NT5DC3: variants seen among roughly 807,000 people sequenced by gnomAD.
The protein encoded by NT5DC3 is 5'-nucleotidase domain containing 3.
In NT5DC3, 42 loss-of-function variants were observed where a neutral mutation model predicts 67.8. The observed-to-expected ratio is 0.62, with a 90% CI of 0.48 to 0.80. NT5DC3 has a LOEUF of 0.80. NT5DC3 is among the 30% of genes least tolerant of loss of function. NT5DC3 has a pLI of 0.00. For synonymous variants in NT5DC3, 237 were observed against 255.6 expected (o/e 0.93, Z 0.69); for missense variants, 570 against 696.4 (o/e 0.82, Z 2.04).
At chr12:103,766,149 A>T (rs557113618), downstream of NT5DC3, 81 of 1,194,894 alleles carry the variant, frequency 6.8e-5, no homozygotes, top group African/African-American at 1.1e-3. Context: ...AGGCAGCAGC[A>T]CAAACAAACA....
chr12:103,840,829 T>TCGCGACTGGAGGCCCTGGAGGTC, intron 1 of NT5DC3, 120 bp downstream of exon 1: 1 of 437,016 alleles, frequency 2.3e-6, no homozygotes, highest in Non-Finnish European at 3.8e-6. Flanking sequence ...GCACCGGGGT[T>TCGCGACTGGAGGCCCTGGAGGTC]CGCGACTGGA....
At chr12:103,813,202 C>T (rs924277117) in intron 2 of NT5DC3, among the ~76,000 whole-genome samples, 1 of 152,224 alleles carries the variant, frequency 6.6e-6, no homozygotes, top group African/African-American at 2.4e-5. Flanking sequence ...CCTTTGGATC[C>T]ACCTTTTAGG....
chr12:103,781,367 A>G (rs1166001078), intron 12 of NT5DC3, among the ~76,000 whole-genome samples: 3 of 152,208 alleles, frequency 2.0e-5, no homozygotes, highest in Admixed American at 1.3e-4. Context: ...GGGACATGTA[A>G]AGGAGAAAGA....
the NT5DC3 span, among the ~76,000 whole-genome samples, chr12:103,754,144 G>A: frequency 6.6e-6 from 1 of 151,952 alleles, no homozygotes. Context: ...TTCAGACCTG[G>A]TATTCCTTTA....
At chr12:103,819,411 T>A (rs1887398012) in intron 1 of NT5DC3, among the ~76,000 whole-genome samples, 1 of 152,248 alleles carries the variant, frequency 6.6e-6, no homozygotes, top group Admixed American at 6.5e-5. Flanking sequence ...ACTAGTCACT[T>A]ACACACTTTC....
intron 1 of NT5DC3, among the ~76,000 whole-genome samples, chr12:103,830,945 T>C (rs1887899407): frequency 6.6e-6 from 1 of 152,198 alleles, no homozygotes; most frequent in African/African-American, 2.4e-5. Context: ...AAATTTTGGA[T>C]TGTAAGCTCA....
At chr12:103,840,671 G>A (rs562132964) in intron 1 of NT5DC3, among the ~76,000 whole-genome samples, 55 of 152,110 alleles carry the variant, frequency 3.6e-4, no homozygotes, top group African/African-American at 1.1e-3. Flanking sequence ...CCCCTCAGAT[G>A]CAGATTTCGG....
At chr12:103,826,472 CAGAA>C (rs1325898834) in intron 1 of NT5DC3, among the ~76,000 whole-genome samples, 1 of 152,212 alleles carries the variant, frequency 6.6e-6, no homozygotes, top group Non-Finnish European at 1.5e-5. Flanking sequence ...GAGAAAGACT[CAGAA>C]AGCCATTGCT....
the NT5DC3 span, among the ~76,000 whole-genome samples, chr12:103,757,469 G>A: frequency 4.6e-5 from 7 of 152,200 alleles, no homozygotes; most frequent in African/African-American, 1.2e-4. Flanking sequence ...GAACAAACAC[G>A]TCAATAGTAT....
chr12:103,820,411 G>A (rs1473765492), intron 1 of NT5DC3, among the ~76,000 whole-genome samples: 1 of 152,136 alleles, frequency 6.6e-6, no homozygotes, highest in Admixed American at 6.5e-5. Context: ...TATCATTACT[G>A]TTGACAGAGA....
At chr12:103,772,234 G>A (rs1486367641), downstream of NT5DC3, 1 of 152,102 alleles carries the variant, frequency 6.6e-6, no homozygotes, top group Non-Finnish European at 1.5e-5. Context: ...TTTAGAAAAC[G>A]ATACTGTGGA....
the NT5DC3 span, chr12:103,762,482 G>A: frequency 6.2e-7 from 1 of 1,601,110 alleles, no homozygotes; most frequent in African/African-American, 1.3e-5. Flanking sequence ...TTCAGTCGGT[G>A]GCTGCGCCAG....
intron 1 of NT5DC3, among the ~76,000 whole-genome samples, chr12:103,833,039 A>G (rs1158565343): frequency 6.6e-6 from 1 of 152,212 alleles, no homozygotes; most frequent in African/African-American, 2.4e-5. Context: ...TTCTGGTTGT[A>G]AGCATCTTTC....
the NT5DC3 span, among the ~76,000 whole-genome samples, chr12:103,758,759 TTCA>T: frequency 6.6e-6 from 1 of 152,224 alleles, no homozygotes; most frequent in Non-Finnish European, 1.5e-5. Flanking sequence ...ACCAACCTTC[TTCA>T]TATCACGGCA....
chr12:103,790,382 T>C (rs1395539983), intron 9 of NT5DC3, among the ~76,000 whole-genome samples: 1 of 151,796 alleles, frequency 6.6e-6, no homozygotes, highest in African/African-American at 2.4e-5. Context: ...TTCAAGTGAC[T>C]CTCCTGCCTC....
chr12:103,793,956 T>G lies in NT5DC3; in HGVS notation c.795A>C (p.Arg265Ser). Residue 265 changes from arginine (R) to serine (S), a missense_variant, in exon 7 of 14, where the codon AGA becomes AGC. Physicochemically the swap from Arg to Ser is moderately radical, Grantham distance 110. Around this residue, in one of 2 missense-constraint regions of NT5DC3, gnomAD observed 466 missense variants for 608.0 expected, o/e 0.77. Coordinates refer to ENST00000392876, the MANE Select transcript of NT5DC3 (RefSeq NM_001031701.3). ...RDVHIKGIMY[R>S]AIEADIEKYI... The stretch of plus-strand genomic sequence containing the variant: ...ACATACCAATGTCTGCTTCAATTGC[T>G]CTGTACATTATTCCTTTGATGTGGA... 6.2e-7 allele frequency: 1 copy of G among 1,613,518 alleles called. No homozygotes were observed. Among genetic ancestry groups the G allele is most frequent in the South Asian group, 1.1e-5 (1 of 91,060 alleles).
chr12:103,779,227 C>T (rs536842778), intron 13 of NT5DC3, among the ~76,000 whole-genome samples: 1 of 152,300 alleles, frequency 6.6e-6, no homozygotes, highest in South Asian at 2.1e-4. Flanking sequence ...CATCCAAGCC[C>T]CATAACCCCC....
At chr12:103,766,007 G>A (rs1477991103), downstream of NT5DC3, 2 of 588,866 alleles carry the variant, frequency 3.4e-6, no homozygotes, top group Admixed American at 2.2e-5. Context: ...CTCCCTGTGA[G>A]GTATATTATG....
At chr12:103,829,440 T>A (rs556127474) in intron 1 of NT5DC3, among the ~76,000 whole-genome samples, 87 of 152,372 alleles carry the variant, frequency 5.7e-4, no homozygotes, top group African/African-American at 2.1e-3. Context: ...GTTTGATATT[T>A]ATAACTTGCT....
Sources: gnomAD v4.1 joint callset for allele counts (sites outside exome capture counted in the v4.1 genomes callset) on GRCh38, gnomAD v4.1.1 for gene constraint, gnomAD v4.1.1 regional missense constraint, MANE v1.5 for transcripts, NCBI Gene and HGNC (gene_info 2026-07-23, HGNC 2026-07-21) for gene names.